Variants in GFOD1 observed in about 807,000 individuals in gnomAD.
GFOD1 encodes the protein glucose-fructose oxidoreductase domain-containing protein 1.
A neutral mutation model predicts 25.4 loss-of-function variants in GFOD1; 9 were observed. The observed-to-expected ratio is 0.35, with a 90% CI of 0.21 to 0.62. The LOEUF is 0.62. Ranked by LOEUF, GFOD1 falls within the 20% of genes least tolerant of loss-of-function variation. The pLI, the probability that GFOD1 is intolerant of heterozygous loss-of-function variation, is 0.72. For missense variants in GFOD1, 403 were observed against 556.9 expected (o/e 0.72, Z 2.78); for synonymous variants, 253 against 245.6 (o/e 1.03, Z -0.28).
At chr6:13,480,139 T>C (rs181676398) in intron 1 of GFOD1, among the ~76,000 whole-genome samples, 6 of 152,246 alleles carry the variant, frequency 3.9e-5, no homozygotes, top group Admixed American at 2.0e-4. Flanking sequence ...AAAGGGCCAA[T>C]TGCTCCAGGT....
chr6:13,381,386 A>G (rs182261913), intron 1 of GFOD1, among the ~76,000 whole-genome samples: 4 of 152,184 alleles, frequency 2.6e-5, no homozygotes, highest in African/African-American at 9.7e-5. Flanking sequence ...TTAAGTTTTC[A>G]TATTTTCTCT....
At chr6:13,414,224 C>T (rs1786126686) in intron 1 of GFOD1, among the ~76,000 whole-genome samples, 2 of 152,210 alleles carry the variant, frequency 1.3e-5, no homozygotes, top group Admixed American at 1.3e-4. Context: ...AAGCATGGGC[C>T]CTGTTCCTTA....
Position 13,360,651 on chromosome 6 carries a change from T to C in GFOD1, c.*4092A>G, listed in dbSNP as rs753858589. 25 of 446,090 alleles carry C rather than the reference T, an allele frequency of 5.6e-5. No individual in the cohort carries two copies. The highest frequency in any genetic ancestry group is 3.6e-4 in the South Asian group (23 of 64,316). The allele number at this position is 446,090 out of a possible 1,614,324, so 27.6% of individuals were successfully genotyped here. The stretch of plus-strand genomic sequence containing the variant: ...AAAAGGCTGAGTGATATTTCCATTT[T>C]GGAATGGGAAGAAACACTGGCTACT... On this transcript the variant is annotated 3_prime_UTR_variant, in exon 2 of 2. Transcript: ENST00000379287.
At chr6:13,389,504 A>G (rs927262845) in intron 1 of GFOD1, among the ~76,000 whole-genome samples, 8 of 152,128 alleles carry the variant, frequency 5.3e-5, no homozygotes, top group African/African-American at 9.7e-5. Context: ...TCAGCAAACT[A>G]TCACAAGGAC....
At chr6:13,474,374 C>T (rs1032717703) in intron 1 of GFOD1, among the ~76,000 whole-genome samples, 9 of 152,034 alleles carry the variant, frequency 5.9e-5, no homozygotes, top group East Asian at 1.9e-4. Context: ...AGCAAAACTC[C>T]GTCTTGGGAA....
intron 1 of GFOD1, among the ~76,000 whole-genome samples, chr6:13,473,784 T>A (rs1347409334): frequency 2.0e-5 from 3 of 151,928 alleles, no homozygotes; most frequent in Admixed American, 1.3e-4. Flanking sequence ...TTCCAAGAGG[T>A]CTTCTGGGAC....
intron 1 of GFOD1, among the ~76,000 whole-genome samples, chr6:13,418,845 C>A (rs1385547813): frequency 1.3e-5 from 2 of 152,232 alleles, no homozygotes; most frequent in East Asian, 3.8e-4. Flanking sequence ...GAGCACTGGT[C>A]CAGCGAGAGC....
intron 1 of GFOD1, among the ~76,000 whole-genome samples, chr6:13,370,068 T>C (rs1392386851): frequency 6.6e-6 from 1 of 152,100 alleles, no homozygotes; most frequent in East Asian, 1.9e-4. Context: ...GCACTCACAA[T>C]AATGGAAAAA....
At position 13,365,702 on chromosome 6, in the gene GFOD1, C is replaced by A; in HGVS notation, c.254-40G>T. The A allele has an allele frequency of 7.2e-7, 1 of 1,397,408 alleles. No individual in the cohort carries two copies. Among genetic ancestry groups the A allele is most frequent in the Non-Finnish European group, 9.9e-7 (1 of 1,005,132 alleles). 86.6% of individuals were successfully genotyped at this position (1,397,408 alleles called of 1,614,324 possible). A position where few individuals can be genotyped will look rare whatever the true frequency, so the allele number is the denominator to read the frequency against. ...AAGACAGCGGTCAGCGGGGCAGGAC[C>A]ATGTCCGAGCGCGCGTCCCTGGGTC... On this transcript the variant is annotated intron_variant, in intron 1 of 1. Transcript: ENST00000379287. This position sits in a 1 kb window ranked among gnomAD's most constrained non-coding sequence, Gnocchi z 9.2.
chr6:13,395,675 CA>C (rs1785714694), intron 1 of GFOD1, among the ~76,000 whole-genome samples: 1 of 152,238 alleles, frequency 6.6e-6, no homozygotes, highest in African/African-American at 2.4e-5. Context: ...TGCCAGTACT[CA>C]GTCAGAAATG....
intron 1 of GFOD1, among the ~76,000 whole-genome samples, chr6:13,392,181 C>G (rs889032345): frequency 2.0e-5 from 3 of 151,794 alleles, no homozygotes; most frequent in Non-Finnish European, 4.4e-5. Flanking sequence ...GGCGACACAA[C>G]AAGATGCCAC....
chr6:13,470,421 G>A (rs1275792968), intron 1 of GFOD1: 18 of 1,549,864 alleles, frequency 1.2e-5, no homozygotes, highest in Middle Eastern at 1.9e-4. Context: ...GGATGTGAAC[G>A]GCTGTGCATA....
intron 1 of GFOD1, among the ~76,000 whole-genome samples, chr6:13,468,996 A>G (rs1196228488): frequency 6.6e-6 from 1 of 152,208 alleles, no homozygotes; most frequent in Non-Finnish European, 1.5e-5. Context: ...GTCTGAATCC[A>G]GGTCATTCGT....
intron 1 of GFOD1, among the ~76,000 whole-genome samples, chr6:13,424,348 T>C (rs747807711): frequency 6.6e-6 from 1 of 152,174 alleles, no homozygotes; most frequent in Non-Finnish European, 1.5e-5. Context: ...AGGAAGATGA[T>C]GATGATGATG....
intron 1 of GFOD1, among the ~76,000 whole-genome samples, chr6:13,404,397 G>T (rs1785907737): frequency 6.6e-6 from 1 of 152,144 alleles, no homozygotes; most frequent in South Asian, 2.1e-4. Context: ...TTCTTTTAAG[G>T]ATCAAATGAG....
intron 1 of GFOD1, among the ~76,000 whole-genome samples, chr6:13,429,402 C>A (rs1184729066): frequency 6.6e-6 from 1 of 152,238 alleles, no homozygotes; most frequent in Admixed American, 6.5e-5. Context: ...GAACGACAAA[C>A]TATTGAATGC....
At chr6:13,414,637 T>C (rs1401508107) in intron 1 of GFOD1, among the ~76,000 whole-genome samples, 4 of 152,174 alleles carry the variant, frequency 2.6e-5, no homozygotes, top group Non-Finnish European at 5.9e-5. Flanking sequence ...ATAAACAGCA[T>C]GCATATCATA....
chr6:13,484,360 G>A (rs937107666), intron 1 of GFOD1, among the ~76,000 whole-genome samples: 1 of 152,202 alleles, frequency 6.6e-6, no homozygotes, highest in Admixed American at 6.5e-5. Flanking sequence ...CCAACAGCCA[G>A]ATCAGCCTGA....
chr6:13,435,043 A>G (rs947591094), intron 1 of GFOD1, among the ~76,000 whole-genome samples: 6 of 152,216 alleles, frequency 3.9e-5, no homozygotes, highest in Admixed American at 6.5e-5. Flanking sequence ...AGCACCTCCA[A>G]GCACATTCTG....
Sources: allele counts gnomAD v4.1 joint callset (sites outside exome capture counted in the v4.1 genomes callset), GRCh38; gene constraint gnomAD v4.1.1; non-coding constraint Gnocchi (gnomAD v3.1); transcripts MANE v1.5; gene names NCBI Gene and HGNC (gene_info 2026-07-23, HGNC 2026-07-21).